Variants in XKR9 observed in about 807,000 individuals in gnomAD.
XKR9 encodes the protein XK-related protein 9.
In XKR9, 32 loss-of-function variants were observed where a neutral mutation model predicts 32.0. The observed-to-expected ratio is 1.00, with a 90% CI of 0.76 to 1.34. XKR9 has a LOEUF of 1.34. Among genes scored for constraint, XKR9 ranks in the 40% most tolerant of loss-of-function variants. XKR9 has a pLI of 0.00. For missense variants in XKR9, 546 were observed against 429.7 expected (o/e 1.27, Z -2.39); for synonymous variants, 168 against 143.4 (o/e 1.17, Z -1.22).
At chr8:70,687,330 C>CTT (rs766310285) in intron 3 of XKR9, among the ~76,000 whole-genome samples, 1 of 148,070 alleles carries the variant, frequency 6.8e-6, no homozygotes, top group East Asian at 2.0e-4. Flanking sequence ...TTCTTTCTTT[C>CTT]TTTCTTTCTT....
chr8:70,715,516 A>G (rs1159601423), intron 4 of XKR9, among the ~76,000 whole-genome samples: 1 of 152,142 alleles, frequency 6.6e-6, no homozygotes, highest in Non-Finnish European at 1.5e-5. Context: ...TTGAGGTAAC[A>G]ATATTGATTA....
chr8:71,002,761 A>G, the XKR9 span, among the ~76,000 whole-genome samples: 2 of 152,236 alleles, frequency 1.3e-5, no homozygotes, highest in South Asian at 4.1e-4. Flanking sequence ...AAACATAAAC[A>G]CTGGAGGAAA....
At chr8:70,900,759 G>A in the XKR9 span, among the ~76,000 whole-genome samples, 341 of 152,112 alleles carry the variant, frequency 2.2e-3, 2 homozygotes, top group African/African-American at 8.0e-3. Context: ...GTACTGCACC[G>A]GTTAACTTGA....
chr8:70,773,477 A>C (rs1367177587), intron 2 of XKR9, among the ~76,000 whole-genome samples: 1 of 152,174 alleles, frequency 6.6e-6, no homozygotes, highest in Non-Finnish European at 1.5e-5. Flanking sequence ...CAAGCTCCAC[A>C]TGCAAAATTG....
chr8:71,035,597 G>C, the XKR9 span, among the ~76,000 whole-genome samples: 1 of 152,168 alleles, frequency 6.6e-6, no homozygotes, highest in African/African-American at 2.4e-5. Flanking sequence ...TTTTTGAATT[G>C]AGCACATCTA....
At chr8:70,725,309 T>C (rs1365541438) in intron 4 of XKR9, among the ~76,000 whole-genome samples, 1 of 152,162 alleles carries the variant, frequency 6.6e-6, no homozygotes, top group South Asian at 2.1e-4. Flanking sequence ...GTTGCTCTTT[T>C]GGGTGGATGG....
At chr8:70,867,296 C>T in the XKR9 span, among the ~76,000 whole-genome samples, 2 of 152,242 alleles carry the variant, frequency 1.3e-5, no homozygotes, top group African/African-American at 4.8e-5. Flanking sequence ...AATTACCTCC[C>T]ACCAGGTCCC....
At position 70,754,172 on chromosome 8, in the gene XKR9, C is replaced by G. The variant is rs1307339170; in HGVS notation, n.353-35167C>G. 1.4e-5 allele frequency among the ~76,000 whole-genome samples: 2 copies of G among 147,996 alleles called. 1 individual carries two copies. Among genetic ancestry groups the G allele is most frequent in the Non-Finnish European group, 3.0e-5 (2 of 67,344 alleles). On this transcript the variant is annotated intron_variant and non_coding_transcript_variant, in intron 2 of 3. Coordinates refer to the XKR9 transcript ENST00000520273. ...AGCAAACTCCCATTCACAATTGCTA[C>G]AAAGAGAATAAAATACTTAGGAATC... is the stretch of plus-strand genomic sequence containing the variant.
At position 70,681,248 on chromosome 8, in the gene XKR9, A is replaced by C. The variant is rs754596003; in HGVS notation, c.190A>C (p.Lys64Gln). 24 of 1,613,394 alleles carry C rather than the reference A, an allele frequency of 1.5e-5. No individual in the cohort carries two copies. Among genetic ancestry groups the C allele is most frequent in the Non-Finnish European group, 2.0e-5 (24 of 1,179,600 alleles). ...VAQCFSYSWF[K>Q]ADLKKAGQES... ...TCAGTGTTTTAGTTATTCTTGGTTC[A>C]AGGCTGATTTAAAGAAAGCAGGCCA... The change falls in exon 3 of 5, where the codon AAG becomes CAG. Residue 64 changes from lysine to glutamine, a missense_variant. Coordinates refer to ENST00000408926, the MANE Select transcript of XKR9 (RefSeq NM_001011720.2).
the XKR9 span, among the ~76,000 whole-genome samples, chr8:71,050,447 C>A: frequency 6.6e-6 from 1 of 151,498 alleles, no homozygotes; most frequent in African/African-American, 2.4e-5. Flanking sequence ...TAATGATATA[C>A]GGGGAAGACT....
At chr8:70,679,378 T>C (rs1818995602) in intron 2 of XKR9, among the ~76,000 whole-genome samples, 2 of 152,228 alleles carry the variant, frequency 1.3e-5, no homozygotes, top group African/African-American at 4.8e-5. Context: ...ACATGTATTA[T>C]CTTTCTTGAC....
chr8:70,837,809 C>T, the XKR9 span, among the ~76,000 whole-genome samples: 1 of 151,988 alleles, frequency 6.6e-6, no homozygotes, highest in African/African-American at 2.4e-5. Flanking sequence ...ATGTGCATTC[C>T]TTCTCTCTGT....
At chr8:70,764,488 A>C (rs1807348885) in intron 2 of XKR9, among the ~76,000 whole-genome samples, 1 of 152,066 alleles carries the variant, frequency 6.6e-6, no homozygotes, top group South Asian at 2.1e-4. Context: ...AAGCTTTCAC[A>C]TTTCTTTCTG....
rs1462969395 is a variant in XKR9, at chr8:70,734,469, G to A, written c.*45G>A. The A allele has an allele frequency of 2.8e-6, 4 of 1,447,606 alleles. No individual in the cohort carries two copies. The highest frequency in any genetic ancestry group is 3.6e-6 in the Non-Finnish European group (4 of 1,110,470). The allele number at this position is 1,447,606 out of a possible 1,614,324, so 89.7% of individuals were successfully genotyped here. ...TATTTTCTTATATTTTGTTTCATTG[G>A]TTAGTAAAGAAAATGTGTGTTATGT... is the stretch of plus-strand genomic sequence containing the variant. On this transcript the variant is annotated 3_prime_UTR_variant, in exon 5 of 5. Coordinates refer to ENST00000408926, the MANE Select transcript of XKR9 (RefSeq NM_001011720.2).
At chr8:70,982,497 C>T in the XKR9 span, among the ~76,000 whole-genome samples, 2 of 152,158 alleles carry the variant, frequency 1.3e-5, no homozygotes, top group South Asian at 4.1e-4. Flanking sequence ...CCTCTCCCTG[C>T]TCCCACACAG....
the XKR9 span, among the ~76,000 whole-genome samples, chr8:70,845,508 CAA>C: frequency 6.6e-6 from 1 of 151,878 alleles, no homozygotes; most frequent in African/African-American, 2.4e-5. Context: ...CAGTGAGACA[CAA>C]GAGAACACAG....
At chr8:70,954,595 T>C in the XKR9 span, among the ~76,000 whole-genome samples, 1 of 152,228 alleles carries the variant, frequency 6.6e-6, no homozygotes, top group Non-Finnish European at 1.5e-5. Context: ...TCCAAGGATC[T>C]GAGGTTAGTG....
At chr8:70,749,852 A>G (rs1807113308) in intron 2 of XKR9, among the ~76,000 whole-genome samples, 1 of 152,232 alleles carries the variant, frequency 6.6e-6, no homozygotes, top group African/African-American at 2.4e-5. Flanking sequence ...TTTTGCATAT[A>G]ACATCTTAGT....
chr8:70,833,501 G>A, the XKR9 span, among the ~76,000 whole-genome samples: 3 of 151,926 alleles, frequency 2.0e-5, no homozygotes, highest in South Asian at 2.1e-4. Context: ...TAAGGTTTGC[G>A]ACTTGTTAGT....
Sources: gnomAD v4.1 joint callset for allele counts (sites outside exome capture counted in the v4.1 genomes callset) on GRCh38, gnomAD v4.1.1 for gene constraint, MANE v1.5 for transcripts, NCBI Gene and HGNC (gene_info 2026-07-23, HGNC 2026-07-21) for gene names.